The following STAG1 variants were observed in gnomAD, a reference collection of about 807,000 sequenced individuals.
The protein encoded by STAG1 is STAG1 cohesin complex component, also known as cohesin subunit SA-1.
Under a neutral mutation model 170.9 loss-of-function variants are expected in STAG1, and 26 were observed. The observed-to-expected ratio is 0.15, with a 90% CI of 0.11 to 0.21. The LOEUF (loss-of-function observed/expected upper bound fraction) is 0.21, where lower values mean the gene tolerates loss of function less well. STAG1 is among the 10% of genes least tolerant of loss of function. The pLI is 1.00. For synonymous variants in STAG1, 514 were observed against 497.7 expected, an observed-to-expected ratio of 1.03 and a Z score of -0.44; for missense variants, 964 against 1,509.5, an observed-to-expected ratio of 0.64 and a Z score of 5.99.
chr3:136,495,970 C>CAAAA (rs35882097), intron 9 of STAG1, among the ~76,000 whole-genome samples: 2 of 64,136 alleles, frequency 3.1e-5, no homozygotes, highest in Non-Finnish European at 5.7e-5. Context: ...GACTCCGTCT[C>CAAAA]AAAAAAAAAA....
chr3:136,516,902 C>T (rs935896884), intron 7 of STAG1, among the ~76,000 whole-genome samples: 6 of 152,276 alleles, frequency 3.9e-5, no homozygotes, highest in South Asian at 4.1e-4. Context: ...CAGACAGGCA[C>T]GCCAGAACCC....
intron 1 of STAG1, among the ~76,000 whole-genome samples, chr3:136,741,263 ACTGT>A (rs1463971242): frequency 1.3e-5 from 2 of 152,230 alleles, no homozygotes; most frequent in African/African-American, 2.4e-5. Flanking sequence ...GCAAATGCTG[ACTGT>A]CTGGCTACTG....
At chr3:136,613,268 G>A (rs1939394455) in intron 3 of STAG1, among the ~76,000 whole-genome samples, 1 of 120,818 alleles carries the variant, frequency 8.3e-6, no homozygotes, top group Non-Finnish European at 1.6e-5. Flanking sequence ...TCATGCCACT[G>A]CACTCCAGCC....
intron 1 of STAG1, among the ~76,000 whole-genome samples, chr3:136,677,139 T>C (rs920776682): frequency 1.3e-5 from 2 of 152,196 alleles, no homozygotes; most frequent in Admixed American, 1.3e-4. Context: ...ATTGGAAGTA[T>C]AGTACAATAA....
intron 1 of STAG1, among the ~76,000 whole-genome samples, chr3:136,733,084 CTTTT>C (rs55935142): frequency 3.9e-5 from 5 of 128,292 alleles, no homozygotes; most frequent in East Asian, 2.2e-4. Context: ...TAAAACCTAA[CTTTT>C]TTTTTTTTTT....
At chr3:136,347,213 T>C (rs890822617) in intron 29 of STAG1, among the ~76,000 whole-genome samples, 4 of 150,806 alleles carry the variant, frequency 2.7e-5, no homozygotes, top group Non-Finnish European at 5.9e-5. Context: ...CTGGCCAACA[T>C]GGTGAACCCC....
intron 1 of STAG1, among the ~76,000 whole-genome samples, chr3:136,666,108 A>AAAG (rs1559938959): frequency 1.4e-5 from 2 of 141,348 alleles, no homozygotes; most frequent in African/African-American, 2.6e-5. Context: ...AAAAAAAAAA[A>AAAG]AAAGAAAGAA....
At chr3:136,615,919 C>T (rs929531510) in intron 3 of STAG1, among the ~76,000 whole-genome samples, 5 of 152,016 alleles carry the variant, frequency 3.3e-5, no homozygotes, top group African/African-American at 1.2e-4. Context: ...AAGATACAAA[C>T]TTGGGAAATG....
chr3:136,647,441 A>G (rs1482640997), intron 1 of STAG1, among the ~76,000 whole-genome samples: 3 of 151,872 alleles, frequency 2.0e-5, no homozygotes, highest in South Asian at 2.1e-4. Flanking sequence ...TGGTAGCGCT[A>G]GCCTGTAATC....
intron 1 of STAG1, among the ~76,000 whole-genome samples, chr3:136,722,641 C>CCTCCCTCTCCCCTCTCCCTTCTCCCCT: frequency 7.0e-6 from 1 of 143,340 alleles, no homozygotes; most frequent in Non-Finnish European, 1.5e-5. Flanking sequence ...TCCCTCTCCC[C>CCTCCCTCTCCCCTCTCCCTTCTCCCCT]CTCCCTCTCC....
chr3:136,438,415 G>C (rs1180671380), intron 15 of STAG1, among the ~76,000 whole-genome samples: 2 of 151,848 alleles, frequency 1.3e-5, no homozygotes, highest in Non-Finnish European at 2.9e-5. Flanking sequence ...AGTAGAAACG[G>C]GGTTTCACCA....
In STAG1 at chr3:136,601,750, T is replaced by TG. The variant is rs969572452; in HGVS notation, c.297+2558_297+2559insC. Among the ~76,000 whole-genome samples the TG allele has an allele frequency of 3.8e-4, 58 of 152,094 alleles. No individual in the cohort carries two copies. The Middle Eastern group carries it at 0.01, about 27-fold the overall frequency. ...TACTCGGGAGGTTGAGGCAGGAGAA[T>TG]CGCTTGAACCTGTGGGGCAGAAGTT... On this transcript the variant is annotated intron_variant, in intron 4 of 33. Coordinates refer to ENST00000383202, the MANE Select transcript of STAG1 (RefSeq NM_005862.3).
chr3:136,744,422 T>A (rs568726482), intron 1 of STAG1, among the ~76,000 whole-genome samples: 38 of 152,316 alleles, frequency 2.5e-4, no homozygotes, highest in Admixed American at 2.4e-3. Context: ...TTTACTATCT[T>A]ACTAACATCT....
At chr3:136,593,384 G>C (rs749347989) in intron 4 of STAG1, among the ~76,000 whole-genome samples, 8 of 152,126 alleles carry the variant, frequency 5.3e-5, no homozygotes, top group Non-Finnish European at 7.4e-5. Context: ...TCAGGCAACA[G>C]GAATGAAAAC....
At chr3:136,649,503 C>CAAAAAAAAAAAAAAAAAAAAAGAAAA (rs761067087) in intron 1 of STAG1, among the ~76,000 whole-genome samples, 1 of 70,876 alleles carries the variant, frequency 1.4e-5, no homozygotes, top group Non-Finnish European at 3.0e-5. Context: ...AAAACAGAAA[C>CAAAAAAAAAAAAAAAAAAAAAGAAAA]AAAAAAAAAA....
At chr3:136,351,421 AAAAAT>A (rs201637228) in intron 28 of STAG1, among the ~76,000 whole-genome samples, 64 of 152,332 alleles carry the variant, frequency 4.2e-4, no homozygotes, top group East Asian at 1.9e-3. Context: ...AACAGGTTTA[AAAAAT>A]AAAATAAAAA....
chr3:136,719,595 G>GTGGA (rs1482109144), intron 1 of STAG1, among the ~76,000 whole-genome samples: 1 of 146,640 alleles, frequency 6.8e-6, no homozygotes, highest in Non-Finnish European at 1.5e-5. Flanking sequence ...GGGTAGATGG[G>GTGGA]TGGATGGATG....
chr3:136,492,313 T>C (rs953715103), intron 9 of STAG1, among the ~76,000 whole-genome samples: 1 of 152,226 alleles, frequency 6.6e-6, no homozygotes, highest in African/African-American at 2.4e-5. Flanking sequence ...AAATAAAATG[T>C]AAATCAACAT....
In STAG1 at chr3:136,635,121, C is replaced by A. The variant is rs368858728; in HGVS notation, c.-83-4140G>T. ...GACAAGAAGGAACTACTTTCGAATT[C>A]ATTCTGTGAGGCATTTCTGTAACAC... On this transcript the variant is annotated intron_variant, in intron 1 of 33. Coordinates refer to ENST00000383202, the MANE Select transcript of STAG1 (RefSeq NM_005862.3). Among the ~76,000 whole-genome samples, 18 of 152,294 alleles carry A rather than the reference C, an allele frequency of 1.2e-4. No individual in the cohort carries two copies. In the South Asian group the frequency reaches 3.7e-3, roughly 32 times the overall value.
Sources: gnomAD v4.1 joint callset for allele counts (sites outside exome capture counted in the v4.1 genomes callset) on GRCh38, gnomAD v4.1.1 for gene constraint, MANE v1.5 for transcripts, NCBI Gene and HGNC (gene_info 2026-07-23, HGNC 2026-07-21) for gene names.